The following USP32 variants were observed in gnomAD, a reference collection of about 807,000 sequenced individuals.
The protein encoded by USP32 is ubiquitin carboxyl-terminal hydrolase 32.
A neutral mutation model predicts 204.8 loss-of-function variants in USP32; 59 were observed. That is an observed-to-expected ratio of 0.29 (90% CI 0.23 to 0.36). USP32 has a LOEUF of 0.36. Among genes scored for constraint, USP32 ranks in the 10% least tolerant of loss-of-function variants. The pLI is 1.00. For synonymous variants in USP32, 517 were observed against 678.4 expected, an observed-to-expected ratio of 0.76 and a Z score of 3.70; for missense variants, 1,160 against 1,946.4, an observed-to-expected ratio of 0.60 and a Z score of 7.60.
intron 5 of USP32, 96 bp from the exon 6 acceptor site, chr17:60,271,577 G>T: frequency 8.1e-7 from 1 of 1,231,902 alleles, no homozygotes. Context: ...ATATATTTTA[G>T]TTTCACAATT....
intron 21 of USP32, 106 bp from the exon 22 acceptor site, chr17:60,209,649 G>A: frequency 3.0e-6 from 2 of 675,462 alleles, no homozygotes; most frequent in East Asian, 3.1e-5. Flanking sequence ...AAATAGTATA[G>A]TACTTAGTCT....
At chr17:60,319,227 G>A (rs553573660) in intron 2 of USP32, among the ~76,000 whole-genome samples, 5 of 152,212 alleles carry the variant, frequency 3.3e-5, no homozygotes, top group Non-Finnish European at 7.3e-5. Flanking sequence ...ACTTTAAAAT[G>A]GTTAAAATGG....
chr17:60,381,269 C>T lies in USP32; in HGVS notation c.58+10613G>A, dbSNP rs548114810. Among the ~76,000 whole-genome samples the T allele has an allele frequency of 1.1e-4, 16 of 152,034 alleles. No homozygotes were observed. The South Asian group carries it at 2.5e-3, about 24-fold the overall frequency. ...GCCTGGGAAACAACAGTGAGATTCC[C>T]GTCACTACAACAAAATAAAAAAATT... On this transcript the variant is annotated intron_variant, in intron 1 of 33. Coordinates refer to ENST00000300896, the MANE Select transcript of USP32 (RefSeq NM_032582.4).
chr17:60,340,390 C>A (rs2145990103), intron 2 of USP32, among the ~76,000 whole-genome samples: 1 of 152,264 alleles, frequency 6.6e-6, no homozygotes, highest in East Asian at 1.9e-4. Context: ...CCAGCCTGGG[C>A]AAGATGGCAA....
intron 1 of USP32, among the ~76,000 whole-genome samples, chr17:60,347,089 G>A (rs1198334327): frequency 6.6e-6 from 1 of 152,156 alleles, no homozygotes; most frequent in South Asian, 2.1e-4. Context: ...GGAAGCAATA[G>A]CCTGCTACTA....
chr17:60,404,810 G>T (rs954166893), intron 1 of USP32, among the ~76,000 whole-genome samples: 1 of 152,120 alleles, frequency 6.6e-6, no homozygotes, highest in Non-Finnish European at 1.5e-5. Context: ...TAAATAGAAG[G>T]CTGGTCTTTT....
chr17:60,306,476 A>G (rs1399929224), intron 2 of USP32, among the ~76,000 whole-genome samples: 2 of 152,048 alleles, frequency 1.3e-5, no homozygotes, highest in African/African-American at 2.4e-5. Context: ...TGTCTCTACT[A>G]AAAATACAAA....
At chr17:60,356,331 C>A (rs2089076399) in intron 1 of USP32, among the ~76,000 whole-genome samples, 1 of 152,124 alleles carries the variant, frequency 6.6e-6, no homozygotes, top group Non-Finnish European at 1.5e-5. Flanking sequence ...TGACATATTC[C>A]TGGAAATCCA....
At chr17:60,274,087 C>T (rs2145798407) in intron 5 of USP32, among the ~76,000 whole-genome samples, 1 of 151,414 alleles carries the variant, frequency 6.6e-6, no homozygotes, top group Admixed American at 6.6e-5. Flanking sequence ...GAAAAACATG[C>T]CTATACTAAG....
intron 2 of USP32, among the ~76,000 whole-genome samples, chr17:60,336,134 A>G (rs2088510753): frequency 7.0e-6 from 1 of 142,862 alleles, no homozygotes; most frequent in Non-Finnish European, 1.5e-5. Flanking sequence ...TACCACTTAG[A>G]ACATCCATAA....
In USP32 at chr17:60,179,223, C is replaced by T. The variant is rs376216867; in HGVS notation, c.*32G>A. The T allele has an allele frequency of 1.4e-5, 22 of 1,598,214 alleles. No individual in the cohort carries two copies. Among genetic ancestry groups the T allele is most frequent in the Admixed American group, 6.8e-5 (4 of 59,144 alleles). ...AGCTACAAGGAGTCATCTCCCTCAC[C>T]GCCAAGCTGTCTAGCAGCCAGAGTG... On this transcript the variant is annotated 3_prime_UTR_variant, in exon 34 of 34. Transcript: ENST00000300896.
At chr17:60,366,886 G>A (rs1002944575) in intron 1 of USP32, among the ~76,000 whole-genome samples, 46 of 151,892 alleles carry the variant, frequency 3.0e-4, no homozygotes, top group African/African-American at 9.4e-4. Flanking sequence ...GCCAGGGTGC[G>A]ATCTCGGCTC....
intron 9 of USP32, among the ~76,000 whole-genome samples, chr17:60,259,119 C>T (rs1391024648): frequency 6.6e-6 from 1 of 152,136 alleles, no homozygotes; most frequent in Non-Finnish European, 1.5e-5. Flanking sequence ...ATGGTAGGAA[C>T]CAGCAAGGAA....
intron 9 of USP32, among the ~76,000 whole-genome samples, chr17:60,263,472 C>T (rs1262497156): frequency 6.6e-6 from 1 of 152,160 alleles, no homozygotes; most frequent in Non-Finnish European, 1.5e-5. Flanking sequence ...TTAAAAAACC[C>T]AAGTTCTATC....
intron 1 of USP32, among the ~76,000 whole-genome samples, chr17:60,411,134 G>A (rs1356832127): frequency 6.6e-6 from 1 of 152,056 alleles, no homozygotes; most frequent in Non-Finnish European, 1.5e-5. Context: ...TTCAAGACCA[G>A]CCTGACCAAC....
intron 12 of USP32, among the ~76,000 whole-genome samples, chr17:60,234,651 A>ACCT (rs763046741): frequency 7.9e-5 from 12 of 151,404 alleles, no homozygotes; most frequent in Non-Finnish European, 1.3e-4. Flanking sequence ...AATGGCGTGA[A>ACCT]CCTGGAAGGC....
At chr17:60,409,908 T>C (rs994605501) in intron 1 of USP32, among the ~76,000 whole-genome samples, 1 of 152,216 alleles carries the variant, frequency 6.6e-6, no homozygotes, top group Non-Finnish European at 1.5e-5. Context: ...CATTCAAAGC[T>C]GTCCTGGATG....
chr17:60,304,412 G>A (rs1215492988), intron 2 of USP32, among the ~76,000 whole-genome samples: 1 of 150,978 alleles, frequency 6.6e-6, no homozygotes, highest in East Asian at 1.9e-4. Context: ...CCAGCAAAAA[G>A]GGGTACAAGA....
At chr17:60,277,329 A>G (rs530623785) in intron 5 of USP32, among the ~76,000 whole-genome samples, 105 of 152,348 alleles carry the variant, frequency 6.9e-4, no homozygotes, top group South Asian at 5.2e-3. Context: ...GGCCAGGCAC[A>G]TATCCAAATA....
Sources: gnomAD v4.1 joint callset for allele counts (sites outside exome capture counted in the v4.1 genomes callset) on GRCh38, gnomAD v4.1.1 for gene constraint, MANE v1.5 for transcripts, NCBI Gene and HGNC (gene_info 2026-07-23, HGNC 2026-07-21) for gene names.